Variants in EML1 observed in about 807,000 individuals in gnomAD.
EML1 encodes EMAP like 1, also known as echinoderm microtubule-associated protein-like 1.
In EML1, 27 loss-of-function variants were observed where a neutral mutation model predicts 110.4. That is an observed-to-expected ratio of 0.24 (90% confidence interval 0.18 to 0.34). The LOEUF is 0.34. Among genes scored for constraint, EML1 ranks in the 10% least tolerant of loss-of-function variants. EML1 has a pLI of 1.00. For missense variants in EML1, 741 were observed against 1,030.9 expected, an observed-to-expected ratio of 0.72 and a Z score of 3.85; for synonymous variants, 344 against 385.8, an observed-to-expected ratio of 0.89 and a Z score of 1.27.
rs762320146 is a variant in EML1 at position 99,878,488 on chromosome 14, C to T, written c.387C>T (p.Asn129=). Residue 129 remains asparagine (N), a synonymous_variant, in exon 4 of 22, where the codon AAC becomes AAT. Transcript: ENST00000262233. ...KETAVPATKS[N]IKRTSSSERV... is the part of the protein sequence containing the mutation. ...GTCACTTCCATTCCACCCTTAGTAA[C>T]ATCAAGAGGACCAGCTCTTCTGAAC... is the stretch of plus-strand genomic sequence containing the variant. The T allele has an allele frequency of 6.2e-7, 1 of 1,610,840 alleles. No individual in the cohort carries two copies. The highest frequency in any genetic ancestry group is 1.1e-5 in the South Asian group (1 of 90,442).
chr14:99,805,617 G>A (rs74838791), intron 1 of EML1, among the ~76,000 whole-genome samples: 3,615 of 152,124 alleles, frequency 0.024, 65 homozygotes, highest in East Asian at 0.063. Context: ...TGGGACTATA[G>A]GCACATGCCA....
chr14:99,911,075 C>T (rs929067566), intron 12 of EML1, among the ~76,000 whole-genome samples: 2 of 152,148 alleles, frequency 1.3e-5, no homozygotes, highest in African/African-American at 4.8e-5. Flanking sequence ...TAAGCAGCAG[C>T]CCCATTCCAC....
intron 1 of EML1, among the ~76,000 whole-genome samples, chr14:99,783,897 T>C (rs1729286218): frequency 6.6e-6 from 1 of 152,212 alleles, no homozygotes; most frequent in African/African-American, 2.4e-5. Flanking sequence ...GGTTAGTCTG[T>C]GGCATGCCAG....
At chr14:99,820,963 G>A (rs1300843408) in intron 1 of EML1, among the ~76,000 whole-genome samples, 1 of 151,744 alleles carries the variant, frequency 6.6e-6, no homozygotes, top group Non-Finnish European at 1.5e-5. Context: ...GCATTTGAAG[G>A]TTCAAGCAGA....
intron 1 of EML1, among the ~76,000 whole-genome samples, chr14:99,801,475 C>T (rs372263117): frequency 3.3e-5 from 5 of 151,968 alleles, no homozygotes; most frequent in East Asian, 3.9e-4. Context: ...ATTAGCCGGG[C>T]GTGGTGGCGG....
intron 17 of EML1, among the ~76,000 whole-genome samples, chr14:99,921,728 C>T (rs1321760597): frequency 6.6e-6 from 1 of 152,100 alleles, no homozygotes; most frequent in African/African-American, 2.4e-5. Context: ...AAGATGAGGA[C>T]TCTTTTTAAC....
chr14:99,884,854 G>A lies in EML1; in HGVS notation c.518+6235G>A, dbSNP rs75519550. Among the ~76,000 whole-genome samples, 1,407 of 152,298 alleles carry A rather than the reference G, an allele frequency of 9.2e-3. 30 individuals carry two copies. Among genetic ancestry groups the A allele is most frequent in the African/African-American group, 0.032 (1,342 of 41,566 alleles). On this transcript the variant is annotated intron_variant, in intron 4 of 21. Transcript: ENST00000262233. ...GGTGGATGTATCTGGAACTGGGGGT[G>A]GGGGCAGGGAAGGTGACTGTTTTTG...
At chr14:99,807,811 G>T (rs1224174332) in intron 1 of EML1, among the ~76,000 whole-genome samples, 1 of 152,192 alleles carries the variant, frequency 6.6e-6, no homozygotes, top group Non-Finnish European at 1.5e-5. Context: ...GGACTTAGTA[G>T]TAAGTGTCAC....
intron 19 of EML1, among the ~76,000 whole-genome samples, chr14:99,937,510 G>A (rs1021719690): frequency 6.6e-6 from 1 of 152,172 alleles, no homozygotes; most frequent in South Asian, 2.1e-4. Flanking sequence ...GGCTCGGGTG[G>A]GGGTGGGCAG....
intron 1 of EML1, among the ~76,000 whole-genome samples, chr14:99,813,556 A>G (rs116714131): frequency 1.6e-3 from 236 of 152,210 alleles, no homozygotes; most frequent in African/African-American, 4.8e-3. Flanking sequence ...CTCTATAAAA[A>G]TTTAGCCAGT....
Position 99,940,475 on chromosome 14 carries a change from C to T in EML1, c.*363C>T, listed in dbSNP as rs2060569815. On this transcript the variant is annotated 3_prime_UTR_variant, in exon 22 of 22. Transcript: ENST00000262233. ...TTGTATATAATCTTCACTGTTTCAC[C>T]ATCTAGCTTGCTAAGTCAAATATTT... 1 of 160,914 alleles carries T rather than the reference C, an allele frequency of 6.2e-6. No homozygotes were observed. The allele number at this position is 160,914 out of a possible 1,614,324, so 10.0% of individuals were successfully genotyped here.
chr14:99,896,966 T>C (rs557832405), intron 6 of EML1, among the ~76,000 whole-genome samples, 179 bp from the exon 7 acceptor site: 1 of 152,358 alleles, frequency 6.6e-6, no homozygotes, highest in South Asian at 2.1e-4. Flanking sequence ...TCAACTTTAC[T>C]GCATGCCTTT....
chr14:99,909,153 G>A (rs896430091), intron 10 of EML1, among the ~76,000 whole-genome samples, 192 bp from the exon 11 acceptor site: 9 of 152,228 alleles, frequency 5.9e-5, no homozygotes, highest in Non-Finnish European at 1.0e-4. Flanking sequence ...GACAGACAAG[G>A]AGGAGGTATT....
rs773687061 is a variant in EML1, at chr14:99,827,371, G to A, written c.68-23482G>A. On this transcript the variant is annotated intron_variant, in intron 1 of 21. Transcript: ENST00000262233. This position sits in a 1 kb window ranked among gnomAD's most constrained non-coding sequence, Gnocchi z 4.4. Reference sequence around the variant, plus strand: ...GGCAGCATAGCTGGTATGAGTACTCGAAGTACCCCGGCAGAGTAGCGGCAC... The same window carrying A: ...GGCAGCATAGCTGGTATGAGTACTCAAAGTACCCCGGCAGAGTAGCGGCAC... 2.6e-5 allele frequency among the ~76,000 whole-genome samples: 4 copies of A among 151,960 alleles called. No homozygotes were observed. Among genetic ancestry groups the A allele is most frequent in the South Asian group, 2.1e-4 (1 of 4,816 alleles).
At chr14:99,787,327 C>T (rs116995082) in intron 1 of EML1, among the ~76,000 whole-genome samples, 6,013 of 131,672 alleles carry the variant, frequency 0.046, 160 homozygotes, top group Middle Eastern at 0.1. Flanking sequence ...GGCTGGATTG[C>T]GGTGGGCACG....
chr14:99,741,183 A>G (rs1383705401), intron 1 of EML1, among the ~76,000 whole-genome samples: 1 of 152,136 alleles, frequency 6.6e-6, no homozygotes, highest in Non-Finnish European at 1.5e-5. Flanking sequence ...GCCCTGCTGC[A>G]GCAGGTATGG....
rs1262534933 is a variant in EML1, at chr14:99,901,046, A to G, written c.1008+7A>G. On this transcript the variant is annotated splice_region_variant and intron_variant, in intron 9 of 21. Coordinates refer to ENST00000262233, the MANE Select transcript of EML1 (RefSeq NM_004434.3). The stretch of plus-strand genomic sequence containing the variant: ...TATTGCATTCTCAAAATCTGTAAGT[A>G]TGTGCCCTGTGGATATTGCTGTCTT... The G allele has an allele frequency of 6.2e-7, 1 of 1,609,490 alleles. No homozygotes were observed. The highest frequency in any genetic ancestry group is 1.3e-5 in the African/African-American group (1 of 74,926).
At chr14:99,886,172 G>A (rs1377633512) in intron 4 of EML1, 2 of 235,378 alleles carry the variant, frequency 8.5e-6, no homozygotes, top group Non-Finnish European at 1.7e-5. Flanking sequence ...ATTTCATCAC[G>A]TGAAGTCATT....
intron 1 of EML1, among the ~76,000 whole-genome samples, chr14:99,817,155 G>T (rs1178087939): frequency 6.6e-6 from 1 of 152,090 alleles, no homozygotes; most frequent in Admixed American, 6.5e-5. Flanking sequence ...TGTTTTTCCT[G>T]GAGTGACGGG....
Sources: gnomAD v4.1 joint callset for allele counts (sites outside exome capture counted in the v4.1 genomes callset) on GRCh38, gnomAD v4.1.1 for gene constraint, Gnocchi (gnomAD v3.1) non-coding constraint, MANE v1.5 for transcripts, NCBI Gene and HGNC (gene_info 2026-07-23, HGNC 2026-07-21) for gene names.